CDH23: variants seen among roughly 807,000 people sequenced by gnomAD.
CDH23 encodes cadherin-23.
A neutral mutation model predicts 317.1 loss-of-function variants in CDH23; 189 were observed. The observed-to-expected ratio is 0.60, with a 90% CI of 0.53 to 0.67. The LOEUF is 0.67. Ranked by LOEUF, CDH23 falls within the 30% of genes least tolerant of loss-of-function variation. The pLI is 0.00. For missense variants in CDH23, 4,401 were observed against 4,592.4 expected (o/e 0.96, Z 1.20); for synonymous variants, 1,839 against 1,876.8 (o/e 0.98, Z 0.52).
chr10:71,740,014 C>T (rs1839689823), intron 36 of CDH23, among the ~76,000 whole-genome samples: 1 of 152,170 alleles, frequency 6.6e-6, no homozygotes, highest in South Asian at 2.1e-4. Context: ...GGTGTCTTCC[C>T]CTGCTGTAAG....
intron 9 of CDH23, among the ~76,000 whole-genome samples, chr10:71,609,124 G>T (rs568729796): frequency 6.6e-6 from 1 of 152,088 alleles, no homozygotes; most frequent in Admixed American, 6.5e-5. Flanking sequence ...GATGCTGCAG[G>T]TGGGGCAGGG....
intron 38 of CDH23, among the ~76,000 whole-genome samples, chr10:71,757,332 G>A (rs920717846): frequency 3.3e-5 from 5 of 152,160 alleles, no homozygotes; most frequent in African/African-American, 1.2e-4. Flanking sequence ...TCCCCTATGT[G>A]GACCCTCTAT....
chr10:71,766,726 G>T (rs1474554331), intron 38 of CDH23, among the ~76,000 whole-genome samples: 1 of 152,116 alleles, frequency 6.6e-6, no homozygotes, highest in Non-Finnish European at 1.5e-5. Context: ...TAAAGATGAG[G>T]AAACAGACTC....
intron 14 of CDH23, among the ~76,000 whole-genome samples, chr10:71,659,774 T>C (rs1863565111): frequency 6.6e-6 from 1 of 152,158 alleles, no homozygotes; most frequent in South Asian, 2.1e-4. Flanking sequence ...CAAACTAAGT[T>C]TGAACCTCTC....
chr10:71,639,092 C>T (rs1862410472), intron 11 of CDH23, among the ~76,000 whole-genome samples: 1 of 152,238 alleles, frequency 6.6e-6, no homozygotes, highest in Non-Finnish European at 1.5e-5. Flanking sequence ...ACCTCGGCCT[C>T]CCCGCGGGCA....
intron 22 of CDH23, among the ~76,000 whole-genome samples, chr10:71,697,353 G>C (rs929710478): frequency 5.3e-5 from 8 of 152,168 alleles, no homozygotes; most frequent in Admixed American, 2.6e-4. Context: ...CAGGCCCCAC[G>C]CTTGTCAGGC....
chr10:71,803,291 G>A lies in CDH23; in HGVS notation c.7743G>A (p.Val2581=). The A allele has an allele frequency of 6.3e-7, 1 of 1,590,124 alleles. No homozygotes were observed. The highest frequency in any genetic ancestry group is 1.1e-5 in the South Asian group (1 of 87,602). The change falls in exon 55 of 70, where the codon GTG becomes GTA. Residue 2581 remains valine, a synonymous_variant. Transcript: ENST00000224721. ...CCTACGAGAAGTTCAGTCTGACCGT[G>A]GTGGCCACAGATGGTGGAGAGCCCC... ...LQSYEKFSLT[V]VATDGGEPPL... is the part of the protein sequence containing the mutation.
rs1857450529 is a variant in CDH23 at position 71,567,060 on chromosome 10, A to G, written c.624+124A>G. 4.5e-6 allele frequency: 4 copies of G among 890,816 alleles called. No individual in the cohort carries two copies. In the East Asian group the frequency reaches 1.1e-4, roughly 24 times the overall value. 55.2% of individuals were successfully genotyped at this position (890,816 alleles called of 1,614,324 possible). A position where few individuals can be genotyped will look rare whatever the true frequency, so the allele number is the denominator to read the frequency against. ...ACACTCGATGATCTATAATAATTAT[A>G]GTGGTGACAGTCATGATAGAAATGA... On this transcript the variant is annotated intron_variant, in intron 7 of 69. Transcript: ENST00000224721.
intron 69 of CDH23, among the ~76,000 whole-genome samples, chr10:71,814,627 ACT>A (rs34901423): frequency 0.19 from 29,272 of 151,274 alleles, 2,905 homozygotes; most frequent in East Asian, 0.25. Flanking sequence ...CCACTGCGAG[ACT>A]CTGTCTACAC....
intron 11 of CDH23, among the ~76,000 whole-genome samples, chr10:71,631,670 C>G (rs1320810261): frequency 6.6e-6 from 1 of 152,192 alleles, no homozygotes; most frequent in Admixed American, 6.5e-5. Context: ...TTTTCTTAAT[C>G]CTCTTGGCCC....
chr10:71,550,654 G>C (rs907504153), intron 6 of CDH23, among the ~76,000 whole-genome samples: 2 of 151,922 alleles, frequency 1.3e-5, no homozygotes, highest in Admixed American at 1.3e-4. Context: ...GAAACGTGTT[G>C]AGAATGAACA....
chr10:71,680,523 G>A (rs1331487969), intron 17 of CDH23, among the ~76,000 whole-genome samples: 7 of 152,034 alleles, frequency 4.6e-5, no homozygotes, highest in African/African-American at 7.2e-5. Flanking sequence ...CGAGACCGGC[G>A]GATCAATTGA....
At chr10:71,500,433 G>C (rs1241889467) in intron 3 of CDH23, among the ~76,000 whole-genome samples, 1 of 152,138 alleles carries the variant, frequency 6.6e-6, no homozygotes, top group African/African-American at 2.4e-5. Flanking sequence ...AGGTGAGCCC[G>C]CAGCCCCTTC....
rs745791414 is a variant in CDH23 at position 71,570,779 on chromosome 10, C to G, written c.625-11C>G. 1.2e-6 allele frequency: 2 copies of G among 1,600,742 alleles called. No homozygotes were observed. Among genetic ancestry groups the G allele is most frequent in the South Asian group, 2.3e-5 (2 of 88,780 alleles). On this transcript the variant is annotated splice_polypyrimidine_tract_variant and intron_variant, in intron 7 of 69. Transcript: ENST00000224721. ...TCAACCTAAGGCTGTGTGTTCTCTC[C>G]GCTCTCTAAGGATCAAGACAAGACC... is the stretch of plus-strand genomic sequence containing the variant.
chr10:71,646,315 C>CAGTA lies in CDH23; in HGVS notation c.1291-143_1291-140dup, dbSNP rs1346691446. The stretch of plus-strand genomic sequence containing the variant: ...CCTAGAGCAATAACAGACGGGCTCG[C>CAGTA]AGTAGCACAGAGCTGGGATGGGCAG... On this transcript the variant is annotated intron_variant, in intron 13 of 69. Transcript: ENST00000224721. The CAGTA allele has an allele frequency of 2.9e-5, 37 of 1,293,470 alleles. No individual in the cohort carries two copies. In the South Asian group the frequency reaches 5.0e-4, roughly 18 times the overall value. 80.1% of individuals were successfully genotyped at this position (1,293,470 alleles called of 1,614,324 possible).
chr10:71,751,150 G>A lies in CDH23; in HGVS notation c.4845+9229G>A, dbSNP rs1254156337. The A allele has an allele frequency of 8.1e-6, 11 of 1,358,932 alleles. No individual in the cohort carries two copies. The Admixed American group carries it at 2.5e-4, about 30-fold the overall frequency. The allele number at this position is 1,358,932 out of a possible 1,614,324, so 84.2% of individuals were successfully genotyped here. On this transcript the variant is annotated intron_variant, in intron 38 of 69. Coordinates refer to ENST00000224721, the MANE Select transcript of CDH23 (RefSeq NM_022124.6). The surrounding 1 kb of genome is among the most constrained non-coding windows in gnomAD (Gnocchi z 4.9). The stretch of plus-strand genomic sequence containing the variant: ...GTATCTGAGCCCAGAGCAGGAGGGA[G>A]GGAACCAGGGCCGAGGCCAAGGAGG...
chr10:71,520,871 G>A (rs1343156226), intron 6 of CDH23, among the ~76,000 whole-genome samples: 1 of 152,154 alleles, frequency 6.6e-6, no homozygotes, highest in Non-Finnish European at 1.5e-5. Flanking sequence ...CCACACAATA[G>A]GCTTGTTTTG....
intron 14 of CDH23, among the ~76,000 whole-genome samples, chr10:71,648,139 C>T (rs1365341076): frequency 1.3e-5 from 2 of 152,174 alleles, no homozygotes; most frequent in African/African-American, 2.4e-5. Flanking sequence ...AATAATTCTG[C>T]GGCAGCTGTT....
chr10:71,806,233 G>A lies in CDH23; in HGVS notation c.8130G>A (p.Val2710=). The change falls in exon 57 of 70, where the codon GTG becomes GTA. Residue 2710 remains valine, a synonymous_variant. Coordinates refer to ENST00000224721, the MANE Select transcript of CDH23 (RefSeq NM_022124.6). ...VPYETMQPLQ[V]ALEDIDDNEP... ...ACGAGACTATGCAGCCGCTGCAGGT[G>A]GCCCTGGAGGACATCGATGACAACG... 6.3e-7 allele frequency: 1 copy of A among 1,576,754 alleles called. No individual in the cohort carries two copies. Among genetic ancestry groups the A allele is most frequent in the Non-Finnish European group, 8.6e-7 (1 of 1,161,348 alleles).
Sources: gnomAD v4.1 joint callset for allele counts (sites outside exome capture counted in the v4.1 genomes callset) on GRCh38, gnomAD v4.1.1 for gene constraint, Gnocchi (gnomAD v3.1) non-coding constraint, MANE v1.5 for transcripts, NCBI Gene and HGNC (gene_info 2026-07-23, HGNC 2026-07-21) for gene names.